CRBN: variants seen among roughly 807,000 people sequenced by gnomAD.
CRBN encodes cereblon.
A neutral mutation model predicts 62.2 loss-of-function variants in CRBN; 53 were observed. The observed-to-expected ratio is 0.85, with a 90% CI of 0.68 to 1.07. The LOEUF (loss-of-function observed/expected upper bound fraction) is 1.07, where lower values mean the gene tolerates loss of function less well. Ranked by LOEUF, CRBN falls within the 50% of genes least tolerant of loss-of-function variation. The pLI, the probability that CRBN is intolerant of heterozygous loss-of-function variation, is 0.00. For missense variants in CRBN, 616 were observed against 531.1 expected (o/e 1.16, Z -1.57); for synonymous variants, 208 against 176.1 (o/e 1.18, Z -1.43).
In CRBN at chr3:3,150,728, C is replaced by T; in HGVS notation, c.*137G>A. 1 of 862,312 alleles carries T rather than the reference C, an allele frequency of 1.2e-6. No individual in the cohort carries two copies. The highest frequency in any genetic ancestry group is 1.8e-6 in the Non-Finnish European group (1 of 566,002). 53.4% of individuals were successfully genotyped at this position (862,312 alleles called of 1,614,324 possible). The stretch of plus-strand genomic sequence containing the variant: ...CAAATACAGTTTCACTTAGAAACTG[C>T]AACCCTCCAAGTAATGTTATGTTTA... On this transcript the variant is annotated 3_prime_UTR_variant, in exon 11 of 11. Coordinates refer to ENST00000231948, the MANE Select transcript of CRBN (RefSeq NM_016302.4).
intron 10 of CRBN, among the ~76,000 whole-genome samples, chr3:3,151,868 A>T (rs1467607452): frequency 6.6e-6 from 1 of 152,234 alleles, no homozygotes; most frequent in African/African-American, 2.4e-5. Flanking sequence ...GCAGGATTCA[A>T]TGGGTTCTGC....
intron 3 of CRBN, 23 bp from the exon 4 acceptor site, chr3:3,172,948 A>C (rs761997731): frequency 1.2e-6 from 2 of 1,607,366 alleles, no homozygotes; most frequent in Non-Finnish European, 1.7e-6. Context: ...TTTTAAAAGG[A>C]AAGAATTTTG....
At chr3:3,161,443 T>G (rs748261459) in intron 5 of CRBN, among the ~76,000 whole-genome samples, 9 of 152,188 alleles carry the variant, frequency 5.9e-5, no homozygotes, top group Non-Finnish European at 1.0e-4. Flanking sequence ...TAAAAATAAG[T>G]ACAAACACCT....
At position 3,176,799 on chromosome 3, in the gene CRBN, A is replaced by C. The variant is rs114926986; in HGVS notation, c.68-1530T>G. 1.8e-3 allele frequency among the ~76,000 whole-genome samples: 278 copies of C among 152,370 alleles called. 2 individuals carry two copies. The highest frequency in any genetic ancestry group is 6.3e-3 in the African/African-American group (261 of 41,592). ...TACTATTTTGCTTAATTTTAAATTT[A>C]AAAATAAAGTTTGCATGAAGCATAA... On this transcript the variant is annotated intron_variant, in intron 1 of 10. Transcript: ENST00000231948.
Position 3,167,452 on chromosome 3 carries a change from T to C in CRBN, c.687+182A>G, listed in dbSNP as rs1266404140. On this transcript the variant is annotated intron_variant, in intron 5 of 10. Coordinates refer to ENST00000231948, the MANE Select transcript of CRBN (RefSeq NM_016302.4). Reference sequence around the variant, plus strand: ...ACAGCTGTGTGACATTTTATTGCTTTTGTAAACTGCTTTTACATAAAGTAG... The same window carrying C: ...ACAGCTGTGTGACATTTTATTGCTTCTGTAAACTGCTTTTACATAAAGTAG... The C allele has an allele frequency of 1.0e-5, 6 of 591,766 alleles. 1 individual carries two copies. The highest frequency in any genetic ancestry group is 6.1e-5 in the Admixed American group (2 of 32,688). The allele number at this position is 591,766 out of a possible 1,614,324, so 36.7% of individuals were successfully genotyped here.
chr3:3,171,849 AAC>A (rs1407402553), intron 4 of CRBN, among the ~76,000 whole-genome samples: 1 of 152,218 alleles, frequency 6.6e-6, no homozygotes, highest in African/African-American at 2.4e-5. Flanking sequence ...CCACCTGGGC[AAC>A]ACAGAGGTCT....
At position 3,161,137 on chromosome 3, in the gene CRBN, T is replaced by C. The variant is rs750872807; in HGVS notation, c.688-4856A>G. Among the ~76,000 whole-genome samples the C allele has an allele frequency of 7.3e-4, 111 of 152,044 alleles. 1 individual carries two copies. The highest frequency in any genetic ancestry group is 2.6e-4 in the Non-Finnish European group (18 of 68,012). ...TGTAAGAACAACAACAAAAAAACAGTTCTGTTTGACACACCACACCAAAAA... is the reference window on the plus strand; with the variant it reads ...TGTAAGAACAACAACAAAAAAACAGCTCTGTTTGACACACCACACCAAAAA... On this transcript the variant is annotated intron_variant, in intron 5 of 10. Transcript: ENST00000231948.
Position 3,174,265 on chromosome 3 carries a change from T to C in CRBN, c.175-4A>G, listed in dbSNP as rs373448852. 2 of 1,585,438 alleles carry C rather than the reference T, an allele frequency of 1.3e-6. No homozygotes were observed. Among genetic ancestry groups the C allele is most frequent in the South Asian group, 1.1e-5 (1 of 90,520 alleles). On this transcript the variant is annotated splice_region_variant and splice_polypyrimidine_tract_variant and intron_variant, in intron 2 of 10. Coordinates refer to ENST00000231948, the MANE Select transcript of CRBN (RefSeq NM_016302.4). ...CTTCCATATCAGCACCTAGGTACTA[T>C]ATAAAAACATATATAGGTATAGTGT...
chr3:3,168,687 C>T (rs1429932828), intron 4 of CRBN, among the ~76,000 whole-genome samples: 3 of 152,044 alleles, frequency 2.0e-5, no homozygotes, highest in African/African-American at 4.8e-5. Context: ...ACTGTTTGAC[C>T]ACAAGATATT....
intron 3 of CRBN, 75 bp from the exon 4 acceptor site, chr3:3,173,000 A>G (rs1707683946): frequency 9.8e-7 from 1 of 1,015,476 alleles, no homozygotes; most frequent in Non-Finnish European, 1.6e-6. Context: ...GCAAAGCAAT[A>G]AATACAGGTA....
intron 5 of CRBN, among the ~76,000 whole-genome samples, chr3:3,164,551 T>C (rs977724050): frequency 2.0e-5 from 3 of 152,180 alleles, no homozygotes; most frequent in African/African-American, 7.2e-5. Context: ...CCTTTAAGAA[T>C]GCTAAATCTA....
At chr3:3,160,325 T>G (rs1707084465) in intron 5 of CRBN, among the ~76,000 whole-genome samples, 1 of 152,248 alleles carries the variant, frequency 6.6e-6, no homozygotes, top group African/African-American at 2.4e-5. Context: ...GGTCACTTAT[T>G]GTGTTAAATC....
chr3:3,163,855 C>A (rs1034533490), intron 5 of CRBN, among the ~76,000 whole-genome samples: 2 of 152,162 alleles, frequency 1.3e-5, no homozygotes, highest in Admixed American at 1.3e-4. Flanking sequence ...TTTCTGGCAA[C>A]CCTGTTTCAA....
At chr3:3,176,604 T>C (rs1001567010) in intron 1 of CRBN, among the ~76,000 whole-genome samples, 2 of 152,054 alleles carry the variant, frequency 1.3e-5, no homozygotes, top group Admixed American at 1.3e-4. Flanking sequence ...GGTGTGGTTG[T>C]AGGTGCCTGT....
At chr3:3,170,908 C>A (rs988882000) in intron 4 of CRBN, among the ~76,000 whole-genome samples, 4 of 152,066 alleles carry the variant, frequency 2.6e-5, no homozygotes, top group Admixed American at 6.6e-5. Context: ...CGGGTTCAAG[C>A]GATTCTCCTG....
At position 3,150,929 on chromosome 3, in the gene CRBN, A is replaced by G; in HGVS notation, c.1265T>C (p.Leu422Pro). Reference sequence around the variant, plus strand: ...TTCAGTGTCTGGGATCGTGGGCAACAGAGCAGATCGCGTTAAGCCCCAAAA... The same window carrying G: ...TTCAGTGTCTGGGATCGTGGGCAACGGAGCAGATCGCGTTAAGCCCCAAAA... ...QKFWGLTRSA[L>P]LPTIPDTEDE... Residue 422 changes from leucine (L) to proline (P), a missense_variant, in exon 11 of 11, where the codon CTG (leucine) becomes CCG (proline). Coordinates refer to ENST00000231948, the MANE Select transcript of CRBN (RefSeq NM_016302.4). The G allele has an allele frequency of 6.2e-7, 1 of 1,614,054 alleles. No homozygotes were observed. The highest frequency in any genetic ancestry group is 8.5e-7 in the Non-Finnish European group (1 of 1,179,950).
chr3:3,168,365 C>T (rs1707438660), intron 4 of CRBN, among the ~76,000 whole-genome samples: 1 of 152,110 alleles, frequency 6.6e-6, no homozygotes, highest in African/African-American at 2.4e-5. Flanking sequence ...TACAAAGGAT[C>T]AAACTATAAA....
At position 3,165,775 on chromosome 3, in the gene CRBN, C is replaced by A. The variant is rs572578385; in HGVS notation, c.687+1859G>T. On this transcript the variant is annotated intron_variant, in intron 5 of 10. Transcript: ENST00000231948. ...CAATATCTCCGTGGTATGCCTGTAC[C>A]CCCTGAAAAAAAATCTCTAGTATGA... Among the ~76,000 whole-genome samples the A allele has an allele frequency of 4.6e-5, 7 of 151,686 alleles. No homozygotes were observed. In the South Asian group the frequency reaches 1.3e-3, roughly 27 times the overall value.
chr3:3,179,063 C>T (rs887858927), intron 1 of CRBN, among the ~76,000 whole-genome samples: 11 of 152,254 alleles, frequency 7.2e-5, no homozygotes, highest in African/African-American at 2.6e-4. Flanking sequence ...GACAGACACA[C>T]CCGGGTTGGA....
Sources: gnomAD v4.1 joint callset for allele counts (sites outside exome capture counted in the v4.1 genomes callset) on GRCh38, gnomAD v4.1.1 for gene constraint, MANE v1.5 for transcripts, NCBI Gene and HGNC (gene_info 2026-07-23, HGNC 2026-07-21) for gene names.